RBFOX3: variants seen among roughly 807,000 people sequenced by gnomAD.
The protein encoded by RBFOX3 is RNA binding protein fox-1 homolog 3.
A neutral mutation model predicts 48.7 loss-of-function variants in RBFOX3; 17 were observed. The ratio of observed to expected loss-of-function variants is 0.35; its 90% CI spans 0.24 to 0.52. The LOEUF (loss-of-function observed/expected upper bound fraction) is 0.52. Among genes scored for constraint, RBFOX3 ranks in the 20% least tolerant of loss-of-function variants. The probability of loss-of-function intolerance (pLI) is 0.94; values close to 1 mark genes in which losing one functional copy is unlikely to be tolerated. For missense variants in RBFOX3, 382 were observed against 497.5 expected (o/e 0.77, Z 2.21); for synonymous variants, 212 against 209.5 (o/e 1.01, Z -0.10).
At chr17:79,476,379 A>T (rs915278543) in intron 2 of RBFOX3, among the ~76,000 whole-genome samples, 7 of 152,198 alleles carry the variant, frequency 4.6e-5, no homozygotes, top group African/African-American at 1.7e-4. Context: ...CTATTTTTTT[A>T]AAAAATGTCA....
At chr17:79,428,646 C>T (rs948238377) in intron 2 of RBFOX3, among the ~76,000 whole-genome samples, 3 of 152,190 alleles carry the variant, frequency 2.0e-5, no homozygotes, top group African/African-American at 7.2e-5. Context: ...TCTGATTTCA[C>T]AGACGCCCAC....
In RBFOX3 at chr17:79,234,705, T is replaced by G. The variant is rs2061423320; in HGVS notation, c.-34+1061A>C. 5.4e-5 allele frequency: 8 copies of G among 147,492 alleles called. No individual in the cohort carries two copies. In the Admixed American group the frequency reaches 5.5e-4, roughly 10 times the overall value. 9.1% of individuals were successfully genotyped at this position (147,492 alleles called of 1,614,324 possible). The stretch of plus-strand genomic sequence containing the variant: ...TTCAACTTTATGTTTGTTGGGTTTA[T>G]TGGGGGCATTAAGTGCTTTTTTTTT... On this transcript the variant is annotated intron_variant, in intron 4 of 14. Transcript: ENST00000693108.
intron 2 of RBFOX3, among the ~76,000 whole-genome samples, chr17:79,353,298 C>T (rs780380358): frequency 1.1e-4 from 16 of 152,282 alleles, no homozygotes; most frequent in Non-Finnish European, 1.9e-4. Flanking sequence ...CCATCCTCTC[C>T]TCCATGGGGT....
intron 2 of RBFOX3, among the ~76,000 whole-genome samples, chr17:79,402,433 A>G (rs538078925): frequency 2.0e-5 from 3 of 152,300 alleles, no homozygotes; most frequent in Non-Finnish European, 2.9e-5. Flanking sequence ...ACCTAATTAA[A>G]TTGGGAGCCC....
intron 2 of RBFOX3, among the ~76,000 whole-genome samples, chr17:79,408,247 A>G (rs370537120): frequency 6.6e-6 from 1 of 152,038 alleles, no homozygotes; most frequent in East Asian, 1.9e-4. Context: ...TTACTAAATG[A>G]TCTCTCTCAT....
At position 79,529,524 on chromosome 17, in the gene RBFOX3, G is replaced by A. The variant is rs1196267806; in HGVS notation, c.-319-46926C>T. The stretch of plus-strand genomic sequence containing the variant: ...AAAGTGGGGGCGGGGTGGCTGGCCA[G>A]CAGCATGGCACCCCGGGAGGGAGGT... On this transcript the variant is annotated intron_variant, in intron 1 of 14. Coordinates refer to ENST00000693108, the MANE Select transcript of RBFOX3 (RefSeq NM_001350451.2). Among the ~76,000 whole-genome samples, 3 of 152,206 alleles carry A rather than the reference G, an allele frequency of 2.0e-5. No individual in the cohort carries two copies. In the East Asian group the frequency reaches 5.8e-4, roughly 29 times the overall value.
intron 3 of RBFOX3, among the ~76,000 whole-genome samples, chr17:79,264,296 G>C (rs199726571): frequency 6.6e-6 from 1 of 151,726 alleles, no homozygotes; most frequent in African/African-American, 2.4e-5. Context: ...GGCTGGTCTC[G>C]AACTCCTGAC....
intron 14 of RBFOX3, among the ~76,000 whole-genome samples, chr17:79,091,723 A>G (rs8072118): frequency 0.37 from 55,656 of 152,104 alleles, 10,839 homozygotes; most frequent in African/African-American, 0.49. Flanking sequence ...AGACATTTCG[A>G]AGCTTGGGGA....
intron 1 of RBFOX3, among the ~76,000 whole-genome samples, chr17:79,573,205 G>A (rs1029526923): frequency 1.3e-5 from 2 of 152,156 alleles, no homozygotes; most frequent in African/African-American, 2.4e-5. Context: ...TCTCCAGAGC[G>A]CAGCAGCAGA....
intron 13 of RBFOX3, among the ~76,000 whole-genome samples, chr17:79,094,788 G>A (rs1374881708): frequency 1.3e-5 from 2 of 151,910 alleles, no homozygotes; most frequent in East Asian, 3.9e-4. Flanking sequence ...GGGGGAGGGG[G>A]TGTGTTCCAC....
At chr17:79,549,373 T>C (rs2090898196) in intron 1 of RBFOX3, among the ~76,000 whole-genome samples, 1 of 152,238 alleles carries the variant, frequency 6.6e-6, no homozygotes, top group South Asian at 2.1e-4. Context: ...AATGAGCAGA[T>C]GGCCTCCCTT....
intron 3 of RBFOX3, among the ~76,000 whole-genome samples, chr17:79,292,581 CAT>C (rs1491044404): frequency 0.011 from 1,113 of 103,444 alleles, 16 homozygotes; most frequent in African/African-American, 0.047. Flanking sequence ...CACACACACA[CAT>C]GCACACACAC....
At chr17:79,582,200 G>C (rs2093090379) in intron 1 of RBFOX3, among the ~76,000 whole-genome samples, 1 of 151,526 alleles carries the variant, frequency 6.6e-6, no homozygotes, top group Admixed American at 6.6e-5. Context: ...GCCTGCCCGT[G>C]TATGTGCCTG....
chr17:79,306,764 C>T (rs907378889), intron 3 of RBFOX3, among the ~76,000 whole-genome samples: 1 of 152,226 alleles, frequency 6.6e-6, no homozygotes, highest in Admixed American at 6.5e-5. Context: ...TCCTAGGCCT[C>T]CCGTGCCGGG....
intron 3 of RBFOX3, among the ~76,000 whole-genome samples, chr17:79,279,695 C>T (rs144432876): frequency 2.7e-4 from 41 of 152,356 alleles, no homozygotes; most frequent in Admixed American, 1.4e-3. Context: ...GGCACTCCCA[C>T]GGCAGACAGC....
At chr17:79,460,749 T>C (rs1162073605) in intron 2 of RBFOX3, among the ~76,000 whole-genome samples, 1 of 152,118 alleles carries the variant, frequency 6.6e-6, no homozygotes, top group Non-Finnish European at 1.5e-5. Context: ...TGAGTTCAGC[T>C]CCCTCTTGCT....
chr17:79,548,188 C>A (rs2090717751), intron 1 of RBFOX3, among the ~76,000 whole-genome samples: 1 of 152,222 alleles, frequency 6.6e-6, no homozygotes, highest in African/African-American at 2.4e-5. Context: ...GCGGGCACAG[C>A]TCCTGGTGCC....
chr17:79,576,489 ATGGAGATGATGGAAAAGT>A (rs2092864224), intron 1 of RBFOX3, among the ~76,000 whole-genome samples: 1 of 152,104 alleles, frequency 6.6e-6, no homozygotes, highest in Admixed American at 6.5e-5. Flanking sequence ...CATGGAGAAG[ATGGAGATGATGGAAAAGT>A]TGGAGATGAT....
chr17:79,633,733 A>T, the RBFOX3 span, among the ~76,000 whole-genome samples: 1 of 152,164 alleles, frequency 6.6e-6, no homozygotes, highest in African/African-American at 2.4e-5. Context: ...ATCGTGAGGC[A>T]TCGGAGGCTG....
Sources: allele counts gnomAD v4.1 joint callset (sites outside exome capture counted in the v4.1 genomes callset), GRCh38; gene constraint gnomAD v4.1.1; transcripts MANE v1.5; gene names NCBI Gene and HGNC (gene_info 2026-07-23, HGNC 2026-07-21).